Variants in PAPPA2 observed in about 807,000 individuals in gnomAD.
The protein encoded by PAPPA2 is pappalysin-2.
PAPPA2 carries 86 observed loss-of-function variants against 176.4 expected under a neutral mutation model. That is an observed-to-expected ratio of 0.49 (90% CI 0.41 to 0.58). The LOEUF is 0.58. Ranked by LOEUF, PAPPA2 falls within the 20% of genes least tolerant of loss-of-function variation. The pLI is 0.00. For missense variants in PAPPA2, 2,073 were observed against 2,256.9 expected, an observed-to-expected ratio of 0.92 and a Z score of 1.65; for synonymous variants, 809 against 852.2, an observed-to-expected ratio of 0.95 and a Z score of 0.88.
chr1:176,669,806 T>G (rs932942695), intron 3 of PAPPA2, among the ~76,000 whole-genome samples: 1 of 152,116 alleles, frequency 6.6e-6, no homozygotes. Flanking sequence ...TTGGATGAAA[T>G]AGATGGCATC....
At chr1:176,667,979 G>A (rs1658764604) in intron 3 of PAPPA2, among the ~76,000 whole-genome samples, 1 of 152,270 alleles carries the variant, frequency 6.6e-6, no homozygotes, top group African/African-American at 2.4e-5. Flanking sequence ...AGCTGTCGGG[G>A]CATGGCAGAA....
intron 3 of PAPPA2, among the ~76,000 whole-genome samples, chr1:176,611,438 A>G (rs970016927): frequency 6.6e-6 from 1 of 152,222 alleles, no homozygotes; most frequent in Non-Finnish European, 1.5e-5. Context: ...TTTTCATTAA[A>G]TGCTTGTAAT....
chr1:176,667,277 T>C (rs936677874), intron 3 of PAPPA2, among the ~76,000 whole-genome samples: 4 of 150,806 alleles, frequency 2.7e-5, no homozygotes, highest in Non-Finnish European at 5.9e-5. Context: ...AGAATAAGAC[T>C]GTGTTTTCAG....
At chr1:176,585,685 AT>A (rs201340977) in intron 2 of PAPPA2, among the ~76,000 whole-genome samples, 4,835 of 151,508 alleles carry the variant, frequency 0.032, 122 homozygotes, top group South Asian at 0.14. Flanking sequence ...TTTAAAATAT[AT>A]TTTTTTTGTC....
intron 3 of PAPPA2, among the ~76,000 whole-genome samples, chr1:176,658,248 G>A (rs1390151155): frequency 6.6e-6 from 1 of 151,872 alleles, no homozygotes; most frequent in Non-Finnish European, 1.5e-5. Context: ...GTAAACAGAG[G>A]AACACTAGTT....
chr1:176,774,828 C>T (rs1394646756), intron 17 of PAPPA2, among the ~76,000 whole-genome samples: 4 of 152,198 alleles, frequency 2.6e-5, no homozygotes, highest in African/African-American at 7.2e-5. Flanking sequence ...GCTTCGCTTA[C>T]TTCTCCAGCC....
chr1:176,800,953 T>G (rs1399717940), intron 21 of PAPPA2, among the ~76,000 whole-genome samples: 1 of 152,130 alleles, frequency 6.6e-6, no homozygotes, highest in South Asian at 2.1e-4. Flanking sequence ...TGTGATTTCT[T>G]TAGTTAGATT....
intron 21 of PAPPA2, among the ~76,000 whole-genome samples, chr1:176,820,058 TA>T (rs570605373): frequency 9.8e-4 from 149 of 152,264 alleles, no homozygotes; most frequent in Non-Finnish European, 2.0e-3. Flanking sequence ...TCCTCTACCT[TA>T]TTTGGCCTCT....
intron 3 of PAPPA2, among the ~76,000 whole-genome samples, chr1:176,608,283 G>T (rs1232426865): frequency 2.0e-5 from 3 of 152,148 alleles, no homozygotes; most frequent in African/African-American, 7.2e-5. Flanking sequence ...CTTCATGGGT[G>T]CTTTATGATT....
chr1:176,480,089 C>G, intron 1 of PAPPA2, among the ~76,000 whole-genome samples: 1 of 152,174 alleles, frequency 6.6e-6, no homozygotes, highest in East Asian at 1.9e-4. Context: ...TCACCAGCTG[C>G]TGCTGGAGAG....
chr1:176,625,372 C>G (rs1655948367), intron 3 of PAPPA2, among the ~76,000 whole-genome samples: 1 of 152,256 alleles, frequency 6.6e-6, no homozygotes, highest in East Asian at 1.9e-4. Flanking sequence ...GAACACACAC[C>G]CTGCCAGATT....
intron 4 of PAPPA2, among the ~76,000 whole-genome samples, chr1:176,688,760 C>G (rs751990930): frequency 6.6e-6 from 1 of 152,078 alleles, no homozygotes; most frequent in Non-Finnish European, 1.5e-5. Context: ...CTGTGTAGTA[C>G]AGTAGTCACA....
chr1:176,516,274 C>CTTT (rs201764654), intron 1 of PAPPA2, among the ~76,000 whole-genome samples: 1 of 140,796 alleles, frequency 7.1e-6, no homozygotes, highest in African/African-American at 2.6e-5. Flanking sequence ...GAGTTTAATT[C>CTTT]TTTTTTTTTT....
intron 3 of PAPPA2, among the ~76,000 whole-genome samples, chr1:176,646,132 G>A (rs1201340623): frequency 6.6e-6 from 1 of 151,480 alleles, no homozygotes; most frequent in Non-Finnish European, 1.5e-5. Flanking sequence ...GGTTGCCTGT[G>A]ATTTTGAGGT....
chr1:176,775,696 G>T (rs1664428805), intron 17 of PAPPA2, among the ~76,000 whole-genome samples: 1 of 152,050 alleles, frequency 6.6e-6, no homozygotes, highest in Admixed American at 6.6e-5. Context: ...TGGGGGTGGG[G>T]CCCAGACATC....
chr1:176,550,112 A>G (rs1185208146), intron 1 of PAPPA2, among the ~76,000 whole-genome samples: 2 of 152,174 alleles, frequency 1.3e-5, no homozygotes, highest in Admixed American at 6.5e-5. Context: ...GCAGCCCTTT[A>G]AGTCTGGCTT....
intron 3 of PAPPA2, among the ~76,000 whole-genome samples, chr1:176,650,319 G>A (rs1165588547): frequency 6.7e-6 from 1 of 150,136 alleles, no homozygotes; most frequent in African/African-American, 2.4e-5. Flanking sequence ...GCATGTAATT[G>A]GGTCTTGTTT....
intron 1 of PAPPA2, among the ~76,000 whole-genome samples, chr1:176,540,065 T>C (rs1650287877): frequency 6.6e-6 from 1 of 152,184 alleles, no homozygotes; most frequent in Non-Finnish European, 1.5e-5. Context: ...GGAGGGACCA[T>C]TTGCTTCTCT....
intron 14 of PAPPA2, among the ~76,000 whole-genome samples, chr1:176,764,843 G>T (rs1036885505): frequency 6.6e-6 from 1 of 152,200 alleles, no homozygotes; most frequent in Non-Finnish European, 1.5e-5. Context: ...TGATCCGCCC[G>T]CCTTGGCCTC....
Sources: gnomAD v4.1 joint callset for allele counts (sites outside exome capture counted in the v4.1 genomes callset) on GRCh38, gnomAD v4.1.1 for gene constraint, MANE v1.5 for transcripts, NCBI Gene and HGNC (gene_info 2026-07-23, HGNC 2026-07-21) for gene names.